The following TEX11 variants were observed in gnomAD, a reference collection of about 807,000 sequenced individuals.
TEX11 encodes the protein testis-expressed protein 11.
Under a neutral mutation model 84.4 loss-of-function variants are expected in TEX11, and 7 were observed. That is an observed-to-expected ratio of 0.08 (90% CI 0.05 to 0.16). The LOEUF (loss-of-function observed/expected upper bound fraction) is 0.16. Among genes scored for constraint, TEX11 ranks in the 10% least tolerant of loss-of-function variants. TEX11 has a pLI of 1.00. For missense variants in TEX11, 551 were observed against 660.5 expected (o/e 0.83, Z 1.82); for synonymous variants, 264 against 222.8 (o/e 1.18, Z -1.64).
At chrX:70,546,316 A>G (rs779349203) in intron 28 of TEX11, among the ~76,000 whole-genome samples, 1 of 112,256 alleles carries the variant, frequency 8.9e-6, no homozygotes, top group South Asian at 3.8e-4. Context: ...GTAGGAAAAA[A>G]TCTTTGTAAA....
At chrX:70,553,890 C>T (rs2088252675) in intron 26 of TEX11, among the ~76,000 whole-genome samples, 1 of 111,656 alleles carries the variant, frequency 9.0e-6, no homozygotes, top group African/African-American at 3.3e-5. Flanking sequence ...ATGCATTTAA[C>T]AGATTTTTAG....
intron 13 of TEX11, among the ~76,000 whole-genome samples, chrX:70,704,326 C>T (rs1013479505): frequency 9.0e-6 from 1 of 110,761 alleles, no homozygotes; most frequent in African/African-American, 3.3e-5. Context: ...CGAGAATGGA[C>T]TAATATACTC....
intron 17 of TEX11, among the ~76,000 whole-genome samples, chrX:70,639,298 C>G (rs773872340): frequency 8.9e-6 from 1 of 111,988 alleles, no homozygotes; most frequent in South Asian, 3.8e-4. Flanking sequence ...ATTGCTAGCA[C>G]AGCAGTCTGA....
chrX:70,638,911 C>T (rs2089608634), intron 17 of TEX11, among the ~76,000 whole-genome samples: 1 of 109,660 alleles, frequency 9.1e-6, no homozygotes, highest in African/African-American at 3.3e-5. Flanking sequence ...TTGGAGGAGC[C>T]AAGATGGCCG....
intron 9 of TEX11, among the ~76,000 whole-genome samples, chrX:70,752,144 CTGTTT>C (rs1160196175): frequency 1.8e-5 from 2 of 111,783 alleles, no homozygotes; most frequent in African/African-American, 6.5e-5. Context: ...TGTTTGTGTT[CTGTTT>C]TATGTCTCAT....
At chrX:70,580,584 C>A (rs1474946170) in intron 25 of TEX11, among the ~76,000 whole-genome samples, 1 of 111,644 alleles carries the variant, frequency 9.0e-6, no homozygotes, top group African/African-American at 3.3e-5. Context: ...AATGTACCTA[C>A]AAAAATTAAA....
Position 70,529,085 on chromosome X carries a change from A to G in TEX11, c.*10T>C. On this transcript the variant is annotated 3_prime_UTR_variant, in exon 30 of 30. Coordinates refer to ENST00000374333, the MANE Select transcript of TEX11 (RefSeq NM_031276.3). ...GACAATGTATCTTCTTCATGTGGCCATGAGCTTGCCTAATCTGACTTGCTC... is the reference window on the plus strand; with the variant it reads ...GACAATGTATCTTCTTCATGTGGCCGTGAGCTTGCCTAATCTGACTTGCTC... The G allele has an allele frequency of 8.4e-7, 1 of 1,197,352 alleles. No homozygotes were observed. The highest frequency in any genetic ancestry group is 1.1e-6 in the Non-Finnish European group (1 of 883,077).
At chrX:70,565,370 G>C (rs1300798709) in intron 25 of TEX11, among the ~76,000 whole-genome samples, 2 of 106,869 alleles carry the variant, frequency 1.9e-5, no homozygotes, top group African/African-American at 3.4e-5. Flanking sequence ...TCACTCTGAT[G>C]GTAGTTTCTT....
chrX:70,564,793 C>T (rs2088434202), intron 25 of TEX11, among the ~76,000 whole-genome samples: 1 of 109,448 alleles, frequency 9.1e-6, no homozygotes, highest in Admixed American at 9.8e-5. Context: ...TTTTCTTAAT[C>T]CAGTCTATCA....
chrX:70,718,929 C>A (rs188395851), intron 13 of TEX11, among the ~76,000 whole-genome samples: 22 of 111,615 alleles, frequency 2.0e-4, no homozygotes, highest in Non-Finnish European at 2.6e-4. Context: ...TCCCATTAGT[C>A]CAGCTGCATC....
chrX:70,697,544 G>A (rs1479190523), intron 13 of TEX11, among the ~76,000 whole-genome samples: 1 of 111,955 alleles, frequency 8.9e-6, no homozygotes, highest in Non-Finnish European at 1.9e-5. Context: ...TTTACTCTTA[G>A]ACATAGCTCA....
At chrX:70,799,987 C>T (rs1031533761) in intron 9 of TEX11, among the ~76,000 whole-genome samples, 2 of 111,601 alleles carry the variant, frequency 1.8e-5, no homozygotes, top group African/African-American at 6.5e-5. Flanking sequence ...TCATCTTCAA[C>T]ATCATTTCGT....
intron 28 of TEX11, among the ~76,000 whole-genome samples, chrX:70,530,232 C>A (rs1376400438): frequency 2.7e-5 from 3 of 111,620 alleles, no homozygotes; most frequent in Non-Finnish European, 5.6e-5. Context: ...TCCTCTCTGA[C>A]TGAAGGAAAG....
At chrX:70,735,469 G>A (rs1228806397) in intron 11 of TEX11, among the ~76,000 whole-genome samples, 1 of 111,756 alleles carries the variant, frequency 8.9e-6, no homozygotes, top group South Asian at 3.7e-4. Flanking sequence ...TCAATTAATG[G>A]CATTTCTATA....
intron 7 of TEX11, among the ~76,000 whole-genome samples, chrX:70,848,810 G>A (rs2147849348): frequency 9.0e-6 from 1 of 111,583 alleles, no homozygotes; most frequent in Non-Finnish European, 1.9e-5. Context: ...CTCCATCATA[G>A]TCTTTATAGG....
rs148209580 is a variant in TEX11 at position 70,723,375 on chromosome X, A to G, written c.926-679T>C. 5.1e-3 allele frequency among the ~76,000 whole-genome samples: 567 copies of G among 111,815 alleles called. 5 individuals are homozygous for G. Among genetic ancestry groups the G allele is most frequent in the Middle Eastern group, 9.3e-3 (2 of 215 alleles). On this transcript the variant is annotated intron_variant, in intron 12 of 29. Transcript: ENST00000374333. ...TGTGCAACCATTAAAACTGTTGAGT[A>G]TGAAATAAAGTGGAAAAAATGAATA...
chrX:70,551,565 TA>T (rs921423922), intron 28 of TEX11, among the ~76,000 whole-genome samples: 2 of 111,495 alleles, frequency 1.8e-5, no homozygotes, highest in African/African-American at 6.5e-5. Flanking sequence ...TTTTTAAAAC[TA>T]AAAAACACTG....
chrX:70,868,090 A>T (rs1485707945), intron 4 of TEX11, among the ~76,000 whole-genome samples: 1 of 111,822 alleles, frequency 8.9e-6, no homozygotes, highest in African/African-American at 3.3e-5. Flanking sequence ...TGAACAGGCA[A>T]CCTACAGAAT....
intron 16 of TEX11, among the ~76,000 whole-genome samples, chrX:70,656,115 A>G (rs1040242445): frequency 1.2e-4 from 13 of 106,899 alleles, no homozygotes; most frequent in Admixed American, 4.1e-4. Context: ...GTAGCTGTGT[A>G]TATATATATA....
Sources: gnomAD v4.1 joint callset for allele counts (sites outside exome capture counted in the v4.1 genomes callset) on GRCh38, gnomAD v4.1.1 for gene constraint, MANE v1.5 for transcripts, NCBI Gene and HGNC (gene_info 2026-07-23, HGNC 2026-07-21) for gene names.